The following PPP6R3 variants were observed in gnomAD, a reference collection of about 807,000 sequenced individuals.
PPP6R3 encodes serine/threonine-protein phosphatase 6 regulatory subunit 3.
PPP6R3 carries 38 observed loss-of-function variants against 110.7 expected under a neutral mutation model. The ratio of observed to expected loss-of-function variants is 0.34; its 90% CI spans 0.26 to 0.45. The LOEUF is 0.45. Ranked by LOEUF, PPP6R3 falls within the 20% of genes least tolerant of loss-of-function variation. The pLI is 1.00. For synonymous variants in PPP6R3, 369 were observed against 373.5 expected (o/e 0.99, Z 0.14); for missense variants, 870 against 1,062.4 (o/e 0.82, Z 2.52).
chr11:68,480,301 TTGTC>T (rs2098896678), intron 1 of PPP6R3, among the ~76,000 whole-genome samples: 1 of 152,252 alleles, frequency 6.6e-6, no homozygotes, highest in Non-Finnish European at 1.5e-5. Flanking sequence ...CAACCAATCT[TTGTC>T]TGCCATGCTC....
At chr11:68,592,442 C>G (rs1404016274) in intron 18 of PPP6R3, among the ~76,000 whole-genome samples, 1 of 152,156 alleles carries the variant, frequency 6.6e-6, no homozygotes, top group Non-Finnish European at 1.5e-5. Flanking sequence ...ACTGTCTCAT[C>G]CCTTCTTCCA....
intron 1 of PPP6R3, among the ~76,000 whole-genome samples, chr11:68,464,264 G>A (rs1292376711): frequency 1.3e-5 from 2 of 151,972 alleles, no homozygotes; most frequent in Admixed American, 1.3e-4. Context: ...CCCTAGTGGC[G>A]GGGATTACAG....
chr11:68,547,405 A>G (rs2099353589), intron 4 of PPP6R3, among the ~76,000 whole-genome samples: 1 of 152,230 alleles, frequency 6.6e-6, no homozygotes, highest in African/African-American at 2.4e-5. Context: ...ACAGGGATGC[A>G]TGGGACAGAG....
At chr11:68,480,527 T>G (rs1435720093) in intron 1 of PPP6R3, among the ~76,000 whole-genome samples, 3 of 152,254 alleles carry the variant, frequency 2.0e-5, no homozygotes, top group Non-Finnish European at 4.4e-5. Flanking sequence ...TTTTCTTGTT[T>G]TTATCAGCCT....
At chr11:68,501,012 A>G (rs1420948208) in intron 1 of PPP6R3, among the ~76,000 whole-genome samples, 2 of 152,146 alleles carry the variant, frequency 1.3e-5, no homozygotes, top group African/African-American at 4.8e-5. Context: ...TGAGTGCATC[A>G]CGCCCTCACT....
chr11:68,587,489 T>C (rs1018935077), intron 15 of PPP6R3: 1 of 189,968 alleles, frequency 5.3e-6, no homozygotes, highest in Non-Finnish European at 1.1e-5. Context: ...GATTTTGCTG[T>C]AGTAGATTGG....
At position 68,473,718 on chromosome 11, in the gene PPP6R3, A is replaced by G. The variant is rs551941402; in HGVS notation, c.-158+12891A>G. Among the ~76,000 whole-genome samples the G allele has an allele frequency of 6.6e-5, 10 of 152,310 alleles. No individual in the cohort carries two copies. In the South Asian group the frequency reaches 1.7e-3, roughly 25 times the overall value. On this transcript the variant is annotated intron_variant, in intron 1 of 23. Transcript: ENST00000393800. The stretch of plus-strand genomic sequence containing the variant: ...ACACCCACCTGGTGTCTGCTGCAGA[A>G]CTGATTGCATGATGTGTGGTCACAT...
At chr11:68,557,353 C>G (rs183440111) in intron 7 of PPP6R3, among the ~76,000 whole-genome samples, 59 of 152,216 alleles carry the variant, frequency 3.9e-4, no homozygotes, top group African/African-American at 1.4e-3. Context: ...AGATTCTCTC[C>G]TATTTCCTGC....
intron 1 of PPP6R3, among the ~76,000 whole-genome samples, chr11:68,476,000 C>A (rs1269611776): frequency 6.6e-6 from 1 of 151,150 alleles, no homozygotes; most frequent in Non-Finnish European, 1.5e-5. Context: ...GGCAGAGGGG[C>A]TCTTCTCATC....
Position 68,478,647 on chromosome 11 carries a change from G to GTTTTTTTTTTTTTTTT in PPP6R3, c.-158+17830_-158+17845dup, listed in dbSNP as rs769296530. 4.7e-3 allele frequency among the ~76,000 whole-genome samples: 237 copies of GTTTTTTTTTTTTTTTT among 50,514 alleles called. 86 individuals carry two copies. The highest frequency in any genetic ancestry group is 0.01 in the African/African-American group (105 of 10,268). The allele number at this position is 50,514 out of a possible 152,430, so 33.1% of individuals were successfully genotyped here. A position where few individuals can be genotyped will look rare whatever the true frequency, so the allele number is the denominator to read the frequency against. On this transcript the variant is annotated intron_variant, in intron 1 of 23. Transcript: ENST00000393800. ...ACTGATGAGTTAGTGCACTTGGTAAGTTTTTTTTTTTTTTTTTTTTTTTTT... is the reference window on the plus strand; with the variant it reads ...ACTGATGAGTTAGTGCACTTGGTAAGTTTTTTTTTTTTTTTTTTTTTTTTTTTTTTTTTTTTTTTTT...
At position 68,614,574 on chromosome 11, in the gene PPP6R3, A is replaced by G; in HGVS notation, c.*1457A>G. 6.6e-7 allele frequency: 1 copy of G among 1,506,754 alleles called. No homozygotes were observed. Among genetic ancestry groups the G allele is most frequent in the Admixed American group, 2.9e-5 (1 of 34,906 alleles). The allele number at this position is 1,506,754 out of a possible 1,614,324, so 93.3% of individuals were successfully genotyped here. On this transcript the variant is annotated 3_prime_UTR_variant, in exon 24 of 24. Coordinates refer to ENST00000393800, the MANE Select transcript of PPP6R3 (RefSeq NM_001164161.2). ...GCCTAAACATTACATTGCATATGGAAATAAAAGAATCAAACGTCTAATGCC... is the reference window on the plus strand; with the variant it reads ...GCCTAAACATTACATTGCATATGGAGATAAAAGAATCAAACGTCTAATGCC...
At chr11:68,584,605 G>T (rs1363313321) in intron 15 of PPP6R3, among the ~76,000 whole-genome samples, 1 of 152,222 alleles carries the variant, frequency 6.6e-6, no homozygotes, top group Non-Finnish European at 1.5e-5. Flanking sequence ...TAGGCATTTG[G>T]AAAGTGGATT....
chr11:68,530,849 T>C (rs1415478418), intron 2 of PPP6R3, among the ~76,000 whole-genome samples: 1 of 152,224 alleles, frequency 6.6e-6, no homozygotes, highest in Non-Finnish European at 1.5e-5. Context: ...GTTGCCAAAT[T>C]TAAGCATAGT....
intron 14 of PPP6R3, among the ~76,000 whole-genome samples, chr11:68,576,998 T>C (rs1382012211): frequency 1.3e-5 from 2 of 152,144 alleles, no homozygotes; most frequent in Non-Finnish European, 2.9e-5. Flanking sequence ...TTTTCCAGAC[T>C]CCTGACAGAG....
At position 68,519,613 on chromosome 11, in the gene PPP6R3, A is replaced by G. The variant is rs1359924618; in HGVS notation, c.-45A>G. 2.5e-6 allele frequency: 1 copy of G among 398,516 alleles called. No homozygotes were observed. The highest frequency in any genetic ancestry group is 3.6e-5 in the East Asian group (1 of 28,086). The allele number at this position is 398,516 out of a possible 1,614,324, so 24.7% of individuals were successfully genotyped here. A position where few individuals can be genotyped will look rare whatever the true frequency, so the allele number is the denominator to read the frequency against. ...TGTAATGGGCAAGGAGCCACAAAGA[A>G]GAAAACATTTCTTTTAATTTTTAAA... On this transcript the variant is annotated 5_prime_UTR_variant, in exon 2 of 24. Coordinates refer to ENST00000393800, the MANE Select transcript of PPP6R3 (RefSeq NM_001164161.2).
chr11:68,547,855 C>T (rs1191564329), intron 4 of PPP6R3, among the ~76,000 whole-genome samples: 1 of 150,988 alleles, frequency 6.6e-6, no homozygotes, highest in African/African-American at 2.4e-5. Flanking sequence ...AATGGACGTG[C>T]TAATTTAGGG....
chr11:68,462,599 C>T (rs755257759), intron 1 of PPP6R3, among the ~76,000 whole-genome samples: 3 of 152,182 alleles, frequency 2.0e-5, no homozygotes, highest in Non-Finnish European at 2.9e-5. Context: ...TATTCTTCAG[C>T]AAAGATAGTT....
At chr11:68,522,356 T>C (rs1192383131) in intron 2 of PPP6R3, 2 of 152,248 alleles carry the variant, frequency 1.3e-5, no homozygotes, top group Non-Finnish European at 2.9e-5. Flanking sequence ...ACCTTCCTTA[T>C]CAACCAGAGA....
chr11:68,494,649 T>G (rs576555399), intron 1 of PPP6R3, among the ~76,000 whole-genome samples: 6 of 152,168 alleles, frequency 3.9e-5, no homozygotes, highest in African/African-American at 1.4e-4. Context: ...CTTGACTGAT[T>G]GCTTGATCAC....
Sources: gnomAD v4.1 joint callset for allele counts (sites outside exome capture counted in the v4.1 genomes callset) on GRCh38, gnomAD v4.1.1 for gene constraint, MANE v1.5 for transcripts, NCBI Gene and HGNC (gene_info 2026-07-23, HGNC 2026-07-21) for gene names.